NNT: variants seen among roughly 807,000 people sequenced by gnomAD.
The protein encoded by NNT is nicotinamide nucleotide transhydrogenase, also known as NAD(P) transhydrogenase, mitochondrial.
In NNT, 50 loss-of-function variants were observed where a neutral mutation model predicts 104.8. The ratio of observed to expected loss-of-function variants is 0.48; its 90% CI spans 0.38 to 0.60. The LOEUF is 0.60. Among genes scored for constraint, NNT ranks in the 20% least tolerant of loss-of-function variants. NNT has a pLI of 0.00. For missense variants in NNT, 1,131 were observed against 1,330.7 expected (o/e 0.85, Z 2.33); for synonymous variants, 461 against 490.4 (o/e 0.94, Z 0.79).
chr5:43,609,154 C>T lies in NNT; in HGVS notation c.-42C>T. The stretch of plus-strand genomic sequence containing the variant: ...TTCTTTTTTCTTAGTGATTTGCCTT[C>T]AAGGAAACTGGGGAGTCAGAAAATT... On this transcript the variant is annotated 5_prime_UTR_variant, in exon 2 of 22. Coordinates refer to ENST00000344920, the MANE Select transcript of NNT (RefSeq NM_182977.3). 1 of 1,557,754 alleles carries T rather than the reference C, an allele frequency of 6.4e-7. No homozygotes were observed. The highest frequency in any genetic ancestry group is 8.7e-7 in the Non-Finnish European group (1 of 1,145,188).
At chr5:43,607,492 T>G (rs560056883) in intron 1 of NNT, among the ~76,000 whole-genome samples, 57 of 152,318 alleles carry the variant, frequency 3.7e-4, no homozygotes, top group Non-Finnish European at 8.1e-4. Flanking sequence ...CACCCCTATC[T>G]GTCTTTGCTG....
intron 7 of NNT, among the ~76,000 whole-genome samples, chr5:43,629,828 AT>A (rs1368686412): frequency 6.6e-6 from 1 of 151,448 alleles, no homozygotes; most frequent in Non-Finnish European, 1.5e-5. Context: ...GGGATTATTT[AT>A]TTTTTTCTTG....
intron 6 of NNT, among the ~76,000 whole-genome samples, chr5:43,627,906 G>T (rs1286040254): frequency 1.3e-5 from 2 of 152,082 alleles, no homozygotes; most frequent in African/African-American, 2.4e-5. Context: ...CCACATCGGG[G>T]TCATAAGGAA....
chr5:43,622,945 T>A (rs1443223226), intron 5 of NNT, among the ~76,000 whole-genome samples: 4 of 152,242 alleles, frequency 2.6e-5, no homozygotes, highest in Non-Finnish European at 5.9e-5. Context: ...TATTTACTTT[T>A]TCTTTCTTTC....
chr5:43,622,590 C>A (rs555379053), intron 5 of NNT, among the ~76,000 whole-genome samples: 25 of 152,238 alleles, frequency 1.6e-4, no homozygotes, highest in African/African-American at 5.5e-4. Context: ...TGAGCATATG[C>A]CTACGGTGTA....
chr5:43,649,951 G>T (rs1739665586), intron 11 of NNT, among the ~76,000 whole-genome samples: 2 of 152,184 alleles, frequency 1.3e-5, no homozygotes, highest in Non-Finnish European at 2.9e-5. Context: ...AGGGCCAATA[G>T]TCATCTTTTA....
In NNT at chr5:43,707,385, A is replaced by G. The variant is rs568177629; in HGVS notation, c.*2981A>G. 1.1e-4 allele frequency: 16 copies of G among 152,288 alleles called. No individual in the cohort carries two copies. The East Asian group carries it at 3.1e-3, about 29-fold the overall frequency. 9.4% of individuals were successfully genotyped at this position (152,288 alleles called of 1,614,324 possible). ...TATGTTATACACAATAAATACATACATTAAAAAATAAGTAAATGTATAAGT... is the reference window on the plus strand; with the variant it reads ...TATGTTATACACAATAAATACATACGTTAAAAAATAAGTAAATGTATAAGT... On this transcript the variant is annotated 3_prime_UTR_variant, in exon 22 of 22. Coordinates refer to ENST00000344920, the MANE Select transcript of NNT (RefSeq NM_182977.3).
chr5:43,699,161 G>T (rs540759017), intron 19 of NNT, among the ~76,000 whole-genome samples: 6 of 152,046 alleles, frequency 3.9e-5, no homozygotes, highest in Non-Finnish European at 8.8e-5. Context: ...GTGGTCAAAA[G>T]AAGTTGCTTG....
chr5:43,681,879 A>G (rs1187547979), intron 19 of NNT, among the ~76,000 whole-genome samples: 1 of 152,252 alleles, frequency 6.6e-6, no homozygotes, highest in Non-Finnish European at 1.5e-5. Context: ...AGATCAATCA[A>G]TGAATGAATT....
At position 43,677,874 on chromosome 5, in the gene NNT, G is replaced by A. The variant is rs10054206; in HGVS notation, c.2876+68G>A. 5,433 of 1,237,688 alleles carry A rather than the reference G, an allele frequency of 4.4e-3. 95 individuals carry two copies. Among genetic ancestry groups the A allele is most frequent in the African/African-American group, 0.043 (2,884 of 67,594 alleles). 76.7% of individuals were successfully genotyped at this position (1,237,688 alleles called of 1,614,324 possible). A position where few individuals can be genotyped will look rare whatever the true frequency, so the allele number is the denominator to read the frequency against. On this transcript the variant is annotated intron_variant, in intron 19 of 21. Coordinates refer to ENST00000344920, the MANE Select transcript of NNT (RefSeq NM_182977.3). ...GTGTGTGTGGAGAAAAGGAAATACA[G>A]TGGACCCTTGAACAATGTAGGGGTT...
At chr5:43,649,011 TA>T (rs1246504997) in intron 10 of NNT, 135 bp from the exon 11 acceptor site, 4 of 1,023,426 alleles carry the variant, frequency 3.9e-6, no homozygotes, top group Non-Finnish European at 4.4e-6. Flanking sequence ...GTCAAATGTC[TA>T]AAAAATCTGC....
intron 7 of NNT, among the ~76,000 whole-genome samples, chr5:43,633,706 G>C (rs1750798413): frequency 6.6e-6 from 1 of 152,286 alleles, no homozygotes; most frequent in Non-Finnish European, 1.5e-5. Flanking sequence ...AAATGTTGCT[G>C]AACTAATAAT....
intron 6 of NNT, among the ~76,000 whole-genome samples, chr5:43,626,977 G>A (rs1750403086): frequency 6.6e-6 from 1 of 152,070 alleles, no homozygotes; most frequent in South Asian, 2.1e-4. Flanking sequence ...CCCTATGGCT[G>A]CCACAAATGG....
chr5:43,632,135 T>C (rs553261416), intron 7 of NNT, among the ~76,000 whole-genome samples: 1 of 152,312 alleles, frequency 6.6e-6, no homozygotes, highest in East Asian at 1.9e-4. Context: ...CAAATGCCCT[T>C]TGGAAAACAA....
intron 20 of NNT, among the ~76,000 whole-genome samples, chr5:43,702,399 A>G (rs896942116): frequency 6.6e-6 from 1 of 152,204 alleles, no homozygotes; most frequent in African/African-American, 2.4e-5. Context: ...TGTAGTCAAG[A>G]TAGTCAAGTT....
rs1749771296 is a variant in NNT at position 43,616,080 on chromosome 5, A to G, written c.599+15A>G. On this transcript the variant is annotated intron_variant, in intron 4 of 21. Coordinates refer to ENST00000344920, the MANE Select transcript of NNT (RefSeq NM_182977.3). ...AACATTGCGGGGTAGGTTCTTTTCCATTTCAATTGAACAAAAGCGCAATAG... is the reference window on the plus strand; with the variant it reads ...AACATTGCGGGGTAGGTTCTTTTCCGTTTCAATTGAACAAAAGCGCAATAG... 1.2e-6 allele frequency: 2 copies of G among 1,605,302 alleles called. No homozygotes were observed. Among genetic ancestry groups the G allele is most frequent in the Non-Finnish European group, 1.7e-6 (2 of 1,174,504 alleles).
chr5:43,634,704 T>C (rs577011510), intron 7 of NNT, among the ~76,000 whole-genome samples: 1 of 152,290 alleles, frequency 6.6e-6, no homozygotes, highest in Admixed American at 6.5e-5. Flanking sequence ...CATCAAGGGT[T>C]GGTAACCACA....
At chr5:43,661,808 C>T (rs1740382234) in intron 17 of NNT, among the ~76,000 whole-genome samples, 1 of 151,958 alleles carries the variant, frequency 6.6e-6, no homozygotes, top group Admixed American at 6.6e-5. Context: ...TCCAGTCTAT[C>T]ATTGGTGGAC....
intron 19 of NNT, among the ~76,000 whole-genome samples, chr5:43,698,914 A>G (rs1245763548): frequency 6.7e-6 from 1 of 150,288 alleles, no homozygotes. Flanking sequence ...ATATATATAT[A>G]TGTAGTCTAG....
Sources: allele counts gnomAD v4.1 joint callset (sites outside exome capture counted in the v4.1 genomes callset), GRCh38; gene constraint gnomAD v4.1.1; transcripts MANE v1.5; gene names NCBI Gene and HGNC (gene_info 2026-07-23, HGNC 2026-07-21).